The following SEPSECS variants were observed in gnomAD, a reference collection of about 807,000 sequenced individuals.
SEPSECS encodes Sep (O-phosphoserine) tRNA:Sec (selenocysteine) tRNA synthase.
In SEPSECS, 42 loss-of-function variants were observed where a neutral mutation model predicts 52.1. The observed-to-expected ratio is 0.81, with a 90% CI of 0.63 to 1.04. The LOEUF (loss-of-function observed/expected upper bound fraction) is 1.04, where lower values mean the gene tolerates loss of function less well. Ranked by LOEUF, SEPSECS falls within the 50% of genes least tolerant of loss-of-function variation. The probability of loss-of-function intolerance (pLI) is 0.00; values close to 1 mark genes in which losing one functional copy is unlikely to be tolerated. For synonymous variants in SEPSECS, 216 were observed against 211.4 expected, an observed-to-expected ratio of 1.02 and a Z score of -0.19; for missense variants, 590 against 610.6, an observed-to-expected ratio of 0.97 and a Z score of 0.36.
chr4:25,131,172 G>C (rs946842943), intron 8 of SEPSECS, among the ~76,000 whole-genome samples: 1 of 152,158 alleles, frequency 6.6e-6, no homozygotes, highest in Non-Finnish European at 1.5e-5. Flanking sequence ...TTTGCAAATT[G>C]ATTTGTAGTC....
At position 25,124,043 on chromosome 4, in the gene SEPSECS, C is replaced by T. The variant is rs115959591; in HGVS notation, c.1394G>A (p.Arg465Gln). The T allele has an allele frequency of 1.3e-3, 2,164 of 1,613,730 alleles. 20 individuals carry two copies. In the African/African-American group the frequency reaches 0.022, roughly 17 times the overall value. The change falls in exon 11 of 11, where the codon CGA becomes CAA. Residue 465 changes from arginine (R) to glutamine (Q), a missense_variant. Arg to Gln is a conservative substitution (Grantham distance 43). Coordinates refer to ENST00000382103, the MANE Select transcript of SEPSECS (RefSeq NM_016955.4). ...DRCLKAVRKE[R>Q]SKESDDNYDK... ...ATAATTGTCATCACTCTCTTTACTT[C>T]GTTCTTTTCTTACTGCCTTTAAACA... is the stretch of plus-strand genomic sequence containing the variant.
Position 25,124,376 on chromosome 4 carries a change from T to C in SEPSECS, c.1212-151A>G. 3 of 702,734 alleles carry C rather than the reference T, an allele frequency of 4.3e-6. No individual in the cohort carries two copies. The South Asian group carries it at 5.5e-5, about 13-fold the overall frequency. 43.5% of individuals were successfully genotyped at this position (702,734 alleles called of 1,614,324 possible). A position where few individuals can be genotyped will look rare whatever the true frequency, so the allele number is the denominator to read the frequency against. On this transcript the variant is annotated intron_variant, in intron 10 of 10. Coordinates refer to ENST00000382103, the MANE Select transcript of SEPSECS (RefSeq NM_016955.4). ...TCATGGCCTACAAAAATAGACTGTATCGACTTTAAAATGAAATTCTATAAT... is the reference window on the plus strand; with the variant it reads ...TCATGGCCTACAAAAATAGACTGTACCGACTTTAAAATGAAATTCTATAAT...
At chr4:25,135,417 A>G (rs1728803162) in intron 8 of SEPSECS, among the ~76,000 whole-genome samples, 1 of 152,208 alleles carries the variant, frequency 6.6e-6, no homozygotes, top group African/African-American at 2.4e-5. Context: ...AACAACTATC[A>G]GAGAATACTA....
chr4:25,125,613 G>A (rs1022120075), intron 10 of SEPSECS, 81 bp downstream of exon 10: 1 of 837,720 alleles, frequency 1.2e-6, no homozygotes, highest in South Asian at 1.4e-5. Context: ...ATACTTGGGG[G>A]ACTATTGTTG....
In SEPSECS at chr4:25,160,297, G is replaced by C; in HGVS notation, c.73C>G (p.Arg25Gly). The C allele has an allele frequency of 6.4e-7, 1 of 1,551,484 alleles. No homozygotes were observed. The highest frequency in any genetic ancestry group is 1.4e-5 in the African/African-American group (1 of 73,266). Residue 25 changes from arginine (R) to glycine (G), a missense_variant, in exon 1 of 11, where the codon CGC becomes GGC. Coordinates refer to ENST00000382103, the MANE Select transcript of SEPSECS (RefSeq NM_016955.4). ...PAYVRQGCEARRSHEHLIRLL... is the reference protein window; with the variant it reads ...PAYVRQGCEAGRSHEHLIRLL... ...CGTATGAGGTGCTCATGCGAGCGGCGGGCCTCACAGCCCTGCCGCACGTAA... is the reference window on the plus strand; with the variant it reads ...CGTATGAGGTGCTCATGCGAGCGGCCGGCCTCACAGCCCTGCCGCACGTAA...
At chr4:25,160,029 C>G in intron 1 of SEPSECS, 2 of 985,422 alleles carry the variant, frequency 2.0e-6, no homozygotes, top group Non-Finnish European at 2.4e-6. Flanking sequence ...CTCAAAACCC[C>G]GACCCCAACA....
At chr4:25,153,487 T>C (rs1712433945) in intron 5 of SEPSECS, among the ~76,000 whole-genome samples, 1 of 151,874 alleles carries the variant, frequency 6.6e-6, no homozygotes, top group Admixed American at 6.6e-5. Flanking sequence ...ATATTTTTCA[T>C]ATGTATCAAA....
chr4:25,134,165 A>T (rs1464755010), intron 8 of SEPSECS, among the ~76,000 whole-genome samples: 1 of 147,306 alleles, frequency 6.8e-6, no homozygotes, highest in African/African-American at 2.5e-5. Context: ...CATAGAATTC[A>T]CAATGGAAAT....
chr4:25,140,918 G>GAA (rs11373679), intron 8 of SEPSECS, among the ~76,000 whole-genome samples: 503 of 146,678 alleles, frequency 3.4e-3, no homozygotes, highest in Middle Eastern at 6.9e-3. Flanking sequence ...GAAAATATTT[G>GAA]AAAAAAAAAA....
At chr4:25,150,146 T>C (rs1267610992) in intron 6 of SEPSECS, among the ~76,000 whole-genome samples, 1 of 152,132 alleles carries the variant, frequency 6.6e-6, no homozygotes, top group Non-Finnish European at 1.5e-5. Context: ...AAAAATAATA[T>C]AAAAGACAAA....
rs1712987505 is a variant in SEPSECS at position 25,160,248 on chromosome 4, C to G, written c.114+8G>C. The stretch of plus-strand genomic sequence containing the variant: ...CGGCGGCTGGGGAGGGGACCGACAG[C>G]TCGGTACCTTCTCCAGAAGCAGCCG... On this transcript the variant is annotated splice_region_variant and intron_variant, in intron 1 of 10. Transcript: ENST00000382103. The G allele has an allele frequency of 3.2e-6, 5 of 1,552,808 alleles. No homozygotes were observed. Among genetic ancestry groups the G allele is most frequent in the East Asian group, 2.4e-5 (1 of 41,202 alleles).
Sources: gnomAD v4.1 joint callset for allele counts (sites outside exome capture counted in the v4.1 genomes callset) on GRCh38, gnomAD v4.1.1 for gene constraint, MANE v1.5 for transcripts, NCBI Gene and HGNC (gene_info 2026-07-23, HGNC 2026-07-21) for gene names.